Variants in ASPH observed in about 807,000 individuals in gnomAD.
The protein encoded by ASPH is aspartate beta-hydroxylase.
ASPH carries 100 observed loss-of-function variants against 118.4 expected under a neutral mutation model. The ratio of observed to expected loss-of-function variants is 0.84; its 90% CI spans 0.72 to 1.00. The LOEUF (loss-of-function observed/expected upper bound fraction) is 1.00. ASPH is among the 50% of genes least tolerant of loss of function. ASPH has a pLI of 0.00. For synonymous variants in ASPH, 315 were observed against 325.6 expected, an observed-to-expected ratio of 0.97 and a Z score of 0.35; for missense variants, 920 against 919.5, an observed-to-expected ratio of 1.00 and a Z score of -0.01.
chr8:61,648,248 T>C (rs1809056242), intron 5 of ASPH, among the ~76,000 whole-genome samples: 2 of 152,142 alleles, frequency 1.3e-5, no homozygotes, highest in African/African-American at 4.8e-5. Context: ...AATAACAACA[T>C]TGTCATTTGT....
At chr8:61,623,281 T>C (rs867166354) in intron 13 of ASPH, among the ~76,000 whole-genome samples, 1 of 152,226 alleles carries the variant, frequency 6.6e-6, no homozygotes, top group Non-Finnish European at 1.5e-5. Context: ...GTAGTTTTGA[T>C]TTGCATTTCT....
intron 21 of ASPH, among the ~76,000 whole-genome samples, chr8:61,531,659 C>G (rs1817604974): frequency 6.6e-6 from 1 of 151,908 alleles, no homozygotes; most frequent in African/African-American, 2.4e-5. Context: ...CATCTTATAA[C>G]TGAAAGTTTG....
intron 3 of ASPH, chr8:61,661,955 A>C: frequency 2.5e-6 from 1 of 399,690 alleles, no homozygotes; most frequent in Non-Finnish European, 4.5e-6. Flanking sequence ...AGACTTGTTT[A>C]AAAAAAAAAT....
intron 13 of ASPH, among the ~76,000 whole-genome samples, chr8:61,629,784 T>A (rs548314836): frequency 3.3e-5 from 5 of 152,186 alleles, no homozygotes; most frequent in Non-Finnish European, 5.9e-5. Flanking sequence ...CCAAAACTGC[T>A]CTCAAATCTC....
Position 61,584,995 on chromosome 8 carries a change from C to T in ASPH, c.977-966G>A, listed in dbSNP as rs561829193. Among the ~76,000 whole-genome samples, 299 of 152,342 alleles carry T rather than the reference C, an allele frequency of 2.0e-3. 1 individual carries two copies. Among genetic ancestry groups the T allele is most frequent in the African/African-American group, 6.7e-3 (278 of 41,576 alleles). On this transcript the variant is annotated intron_variant, in intron 14 of 24. Coordinates refer to ENST00000379454, the MANE Select transcript of ASPH (RefSeq NM_004318.4). ...GCGTCTTTAAGTCCACTGCACCCTG[C>T]GTATCTCTGTTTTGTGGTCCTTCCC...
chr8:61,651,666 T>C (rs796822683), intron 4 of ASPH, among the ~76,000 whole-genome samples: 2 of 152,338 alleles, frequency 1.3e-5, no homozygotes, highest in African/African-American at 4.8e-5. Context: ...GAAGTGTCAG[T>C]AGAAAACCTT....
chr8:61,653,838 C>T (rs563787292), intron 3 of ASPH, among the ~76,000 whole-genome samples, 178 bp from the exon 4 acceptor site: 1 of 152,232 alleles, frequency 6.6e-6, no homozygotes, highest in African/African-American at 2.4e-5. Flanking sequence ...TTCACATGAG[C>T]CTTGAATATA....
At chr8:61,657,152 C>CT in intron 3 of ASPH, 1 of 152,258 alleles carries the variant, frequency 6.6e-6, no homozygotes, top group South Asian at 2.1e-4. Flanking sequence ...GGGGTGGGGA[C>CT]TATTCATAAT....
At chr8:61,574,007 AAAAC>A (rs1397683399) in intron 16 of ASPH, among the ~76,000 whole-genome samples, 4 of 152,346 alleles carry the variant, frequency 2.6e-5, no homozygotes, top group Non-Finnish European at 4.4e-5. Flanking sequence ...TTACAAGAAA[AAAAC>A]AAACAACCCC....
At chr8:61,675,716 G>C (rs1824931280) in intron 3 of ASPH, 17 of 1,032,700 alleles carry the variant, frequency 1.6e-5, no homozygotes, top group Non-Finnish European at 1.9e-5. Flanking sequence ...AGAAAGACAA[G>C]CATCAAGGGT....
chr8:61,580,769 C>T (rs923771816), intron 15 of ASPH, among the ~76,000 whole-genome samples: 1 of 152,224 alleles, frequency 6.6e-6, no homozygotes, highest in African/African-American at 2.4e-5. Context: ...TCAAATTTCC[C>T]TCTGTCCCTC....
At chr8:61,706,414 AAAAAAAAAAAAAAAAGAAGAAGAAG>A in intron 1 of ASPH, among the ~76,000 whole-genome samples, 1 of 145,234 alleles carries the variant, frequency 6.9e-6, no homozygotes, top group African/African-American at 2.7e-5. Flanking sequence ...CAAAAAAAAA[AAAAAAAAAAAAAAAAGAAGAAGAAG>A]AAGAAGAAGA....
intron 3 of ASPH, among the ~76,000 whole-genome samples, chr8:61,668,749 C>T (rs1038418973): frequency 3.3e-5 from 5 of 152,288 alleles, no homozygotes; most frequent in East Asian, 3.9e-4. Flanking sequence ...TCCACCAGTT[C>T]GCACTGTCTT....
intron 16 of ASPH, among the ~76,000 whole-genome samples, chr8:61,568,828 T>C (rs1410217111): frequency 1.3e-5 from 2 of 151,934 alleles, no homozygotes; most frequent in Non-Finnish European, 2.9e-5. Flanking sequence ...GAACATGAGA[T>C]GGAAGGAGGT....
At chr8:61,651,175 G>A in intron 4 of ASPH, 51 bp from the exon 5 acceptor site, 1 of 1,459,570 alleles carries the variant, frequency 6.9e-7, no homozygotes, top group South Asian at 1.1e-5. Context: ...ACATCAACAT[G>A]GACCCCTAAC....
At chr8:61,691,344 C>T (rs1452140010) in intron 1 of ASPH, among the ~76,000 whole-genome samples, 1 of 152,170 alleles carries the variant, frequency 6.6e-6, no homozygotes, top group African/African-American at 2.4e-5. Context: ...AGGTAGACAT[C>T]ATGGCCAACT....
At chr8:61,585,212 C>T (rs985846405) in intron 14 of ASPH, among the ~76,000 whole-genome samples, 1 of 152,176 alleles carries the variant, frequency 6.6e-6, no homozygotes, top group Non-Finnish European at 1.5e-5. Flanking sequence ...GAAGGCAAGG[C>T]ACACCCAGCA....
chr8:61,532,910 GCA>G (rs887083472), intron 21 of ASPH, among the ~76,000 whole-genome samples: 1 of 152,148 alleles, frequency 6.6e-6, no homozygotes, highest in African/African-American at 2.4e-5. Context: ...AAAAGTGCTT[GCA>G]CTATATGCAA....
intron 17 of ASPH, among the ~76,000 whole-genome samples, chr8:61,563,770 T>C (rs1830749449): frequency 6.6e-6 from 1 of 152,218 alleles, no homozygotes. Context: ...TCCTTCCCCC[T>C]ATCTGCCCAC....
Sources: allele counts gnomAD v4.1 joint callset (sites outside exome capture counted in the v4.1 genomes callset), GRCh38; gene constraint gnomAD v4.1.1; transcripts MANE v1.5; gene names NCBI Gene and HGNC (gene_info 2026-07-23, HGNC 2026-07-21).